Variants in CXCL13 observed in about 807,000 individuals in gnomAD.
CXCL13 encodes the protein C-X-C motif chemokine 13.
In CXCL13, 7 loss-of-function variants were observed where a neutral mutation model predicts 12.2. The ratio of observed to expected loss-of-function variants is 0.57; its 90% CI spans 0.33 to 1.07. The LOEUF (loss-of-function observed/expected upper bound fraction) is 1.07. CXCL13 is among the 50% of genes least tolerant of loss of function. CXCL13 has a pLI of 0.04. For synonymous variants in CXCL13, 47 were observed against 42.4 expected (o/e 1.11, Z -0.42); for missense variants, 113 against 127.4 (o/e 0.89, Z 0.55).
chr4:77,564,303 T>C (rs1214301830), intron 1 of CXCL13, among the ~76,000 whole-genome samples: 2 of 152,194 alleles, frequency 1.3e-5, no homozygotes, highest in South Asian at 4.1e-4. Context: ...AAAGCCGTGG[T>C]ATCAGGACGT....
At chr4:77,607,582 G>A in intron 1 of CXCL13, 121 bp from the exon 2 acceptor site, 1 of 831,510 alleles carries the variant, frequency 1.2e-6, no homozygotes, top group Admixed American at 2.4e-5. Context: ...ACATATGGGT[G>A]GAAGCACTGA....
chr4:77,516,116 A>G (rs1724410694), intron 1 of CXCL13, among the ~76,000 whole-genome samples: 1 of 152,218 alleles, frequency 6.6e-6, no homozygotes, highest in East Asian at 1.9e-4. Context: ...ACATTTATTG[A>G]TTTGCATATA....
At chr4:77,523,246 A>G (rs1272785598) in intron 1 of CXCL13, among the ~76,000 whole-genome samples, 1 of 152,136 alleles carries the variant, frequency 6.6e-6, no homozygotes, top group Non-Finnish European at 1.5e-5. Context: ...AGGAATTTGA[A>G]TGTTGGCCTG....
chr4:77,596,801 A>AG (rs1235825086), intron 1 of CXCL13, among the ~76,000 whole-genome samples: 1 of 151,602 alleles, frequency 6.6e-6, no homozygotes. Context: ...AAAAAAAAAA[A>AG]AAGAAAAGAA....
upstream of CXCL13, among the ~76,000 whole-genome samples, chr4:77,604,653 G>A (rs1726959134): frequency 6.6e-6 from 1 of 152,086 alleles, no homozygotes; most frequent in Non-Finnish European, 1.5e-5. Context: ...CAAGATCAAT[G>A]AGTGCCCTGT....
At chr4:77,517,164 C>T (rs1724443954) in intron 1 of CXCL13, among the ~76,000 whole-genome samples, 1 of 152,086 alleles carries the variant, frequency 6.6e-6, no homozygotes, top group South Asian at 2.1e-4. Context: ...GCACTGTGGT[C>T]TGAGAGATAG....
At chr4:77,526,859 C>T (rs1724779429) in intron 1 of CXCL13, among the ~76,000 whole-genome samples, 1 of 152,126 alleles carries the variant, frequency 6.6e-6, no homozygotes, top group Non-Finnish European at 1.5e-5. Flanking sequence ...AAGGGCCAGC[C>T]ACTTGAACAG....
chr4:77,578,407 A>C (rs1323276015), intron 1 of CXCL13, among the ~76,000 whole-genome samples: 1 of 152,160 alleles, frequency 6.6e-6, no homozygotes, highest in Non-Finnish European at 1.5e-5. Flanking sequence ...CTTCATTCTT[A>C]TCCTTATCTT....
chr4:77,592,136 C>T (rs915895373), intron 1 of CXCL13, among the ~76,000 whole-genome samples: 6 of 152,136 alleles, frequency 3.9e-5, no homozygotes, highest in Non-Finnish European at 5.9e-5. Flanking sequence ...ATCTGCACCC[C>T]CATGTTTATT....
At chr4:77,536,942 A>G (rs190754796) in intron 1 of CXCL13, among the ~76,000 whole-genome samples, 4 of 152,324 alleles carry the variant, frequency 2.6e-5, no homozygotes, top group East Asian at 3.9e-4. Context: ...AGACATTATT[A>G]GAGCATATTA....
At chr4:77,545,215 G>C (rs1024635473) in intron 1 of CXCL13, among the ~76,000 whole-genome samples, 1 of 152,164 alleles carries the variant, frequency 6.6e-6, no homozygotes, top group African/African-American at 2.4e-5. Flanking sequence ...GCTTAGGACT[G>C]TCTTGGCAAT....
chr4:77,582,252 A>G (rs994254928), intron 1 of CXCL13, among the ~76,000 whole-genome samples: 4 of 152,162 alleles, frequency 2.6e-5, no homozygotes, highest in Non-Finnish European at 5.9e-5. Context: ...GGCCCTGTGG[A>G]CAAACAAAGC....
At chr4:77,604,696 T>C (rs1424039788), upstream of CXCL13, among the ~76,000 whole-genome samples, 2 of 152,288 alleles carry the variant, frequency 1.3e-5, no homozygotes, top group East Asian at 3.9e-4. Flanking sequence ...GAACTGCTTT[T>C]GTGTGAAGGT....
intron 1 of CXCL13, among the ~76,000 whole-genome samples, chr4:77,530,629 A>G (rs188895843): frequency 0.078 from 11,884 of 152,128 alleles, 626 homozygotes; most frequent in South Asian, 0.13. Flanking sequence ...TATCCCCTTT[A>G]ACATTTTTTA....
chr4:77,537,627 T>C (rs1560518802), intron 1 of CXCL13, among the ~76,000 whole-genome samples: 2 of 152,240 alleles, frequency 1.3e-5, no homozygotes, highest in Non-Finnish European at 2.9e-5. Context: ...AAATGTTTTC[T>C]ATTACAGAGT....
At chr4:77,567,204 G>C (rs1462786889) in intron 1 of CXCL13, among the ~76,000 whole-genome samples, 1 of 152,022 alleles carries the variant, frequency 6.6e-6, no homozygotes, top group Non-Finnish European at 1.5e-5. Flanking sequence ...CAAAAAAATT[G>C]CTCCTAACTC....
rs1329072194 is a variant in CXCL13, at chr4:77,574,808, TAAA to T, written c.-42-31015_-42-31013del. 1.2e-3 allele frequency among the ~76,000 whole-genome samples: 179 copies of T among 152,014 alleles called. 1 individual carries two copies. Among genetic ancestry groups the T allele is most frequent in the Admixed American group, 0.012 (178 of 15,284 alleles). ...AACAAGGAGCTCTAATTAATGGACT[TAAA>T]GAAGAATAAGTGCTTGGATCAAATA... On this transcript the variant is annotated intron_variant, in intron 1 of 4. Transcript: ENST00000286758.
At chr4:77,542,770 A>G (rs1211594820) in intron 1 of CXCL13, among the ~76,000 whole-genome samples, 1 of 152,088 alleles carries the variant, frequency 6.6e-6, no homozygotes, top group African/African-American at 2.4e-5. Flanking sequence ...GTTTGCTGGT[A>G]TTTACTTGAG....
At chr4:77,523,034 G>A (rs889108572) in intron 1 of CXCL13, among the ~76,000 whole-genome samples, 1 of 152,182 alleles carries the variant, frequency 6.6e-6, no homozygotes, top group African/African-American at 2.4e-5. Flanking sequence ...TTGAATATTG[G>A]CCCCCACTCT....
Sources: gnomAD v4.1 joint callset for allele counts (sites outside exome capture counted in the v4.1 genomes callset) on GRCh38, gnomAD v4.1.1 for gene constraint, MANE v1.5 for transcripts, NCBI Gene and HGNC (gene_info 2026-07-23, HGNC 2026-07-21) for gene names.